ATXN7L1: variants seen among roughly 807,000 people sequenced by gnomAD.
The protein encoded by ATXN7L1 is ataxin-7-like protein 1.
Under a neutral mutation model 70.8 loss-of-function variants are expected in ATXN7L1, and 15 were observed. That is an observed-to-expected ratio of 0.21 (90% confidence interval 0.14 to 0.33). The LOEUF is 0.33. Ranked by LOEUF, ATXN7L1 falls within the 10% of genes least tolerant of loss-of-function variation. ATXN7L1 has a pLI of 1.00. For synonymous variants in ATXN7L1, 440 were observed against 445.1 expected (o/e 0.99, Z 0.14); for missense variants, 975 against 1,097.1 (o/e 0.89, Z 1.57).
At chr7:105,631,617 C>T (rs984580982) in intron 7 of ATXN7L1, among the ~76,000 whole-genome samples, 2 of 152,176 alleles carry the variant, frequency 1.3e-5, no homozygotes, top group Admixed American at 1.3e-4. Context: ...CAGGTGTGTG[C>T]CACCACACCC....
intron 3 of ATXN7L1, chr7:105,760,300 T>A: frequency 1.1e-6 from 1 of 939,382 alleles, no homozygotes; most frequent in Non-Finnish European, 1.3e-6. Flanking sequence ...ATATATTATT[T>A]AATTAAATTC....
At chr7:105,719,468 G>T (rs887129371) in intron 3 of ATXN7L1, among the ~76,000 whole-genome samples, 1 of 152,096 alleles carries the variant, frequency 6.6e-6, no homozygotes. Context: ...GGGTCTTTCT[G>T]GCTTCCTAAA....
chr7:105,609,933 G>A (rs1179047745), intron 11 of ATXN7L1, among the ~76,000 whole-genome samples: 5 of 152,162 alleles, frequency 3.3e-5, no homozygotes, highest in Admixed American at 6.5e-5. Context: ...CACCACGCCC[G>A]GTTACTTTTT....
intron 2 of ATXN7L1, among the ~76,000 whole-genome samples, chr7:105,872,422 T>A (rs182433810): frequency 1.4e-3 from 208 of 152,266 alleles, no homozygotes; most frequent in African/African-American, 4.8e-3. Flanking sequence ...ACAACCCAAA[T>A]GTCCACCAAC....
In ATXN7L1 at chr7:105,610,436, T is replaced by A. The variant is rs1322886360; in HGVS notation, c.2547+93A>T. 4.3e-6 allele frequency: 5 copies of A among 1,165,638 alleles called. No individual in the cohort carries two copies. In the East Asian group the frequency reaches 1.0e-4, roughly 24 times the overall value. 72.2% of individuals were successfully genotyped at this position (1,165,638 alleles called of 1,614,324 possible). On this transcript the variant is annotated intron_variant, in intron 11 of 11. Coordinates refer to ENST00000419735, the MANE Select transcript of ATXN7L1 (RefSeq NM_020725.2). ...GCCATGCTCTTAACTGGAGATGAGG[T>A]TTGAATCAGGGTCTGACCCCAGTGT...
At chr7:105,772,894 A>G (rs1469361806) in intron 3 of ATXN7L1, among the ~76,000 whole-genome samples, 1 of 152,246 alleles carries the variant, frequency 6.6e-6, no homozygotes, top group Non-Finnish European at 1.5e-5. Context: ...GATTATATAC[A>G]TTTTTCAATC....
chr7:105,850,641 C>T (rs1814739832), intron 2 of ATXN7L1, among the ~76,000 whole-genome samples: 1 of 152,210 alleles, frequency 6.6e-6, no homozygotes, highest in Non-Finnish European at 1.5e-5. Context: ...AGAACGAGCA[C>T]AGAGCGAGCA....
chr7:105,642,708 A>G, intron 5 of ATXN7L1, 130 bp downstream of exon 5: 2 of 1,170,922 alleles, frequency 1.7e-6, no homozygotes, highest in South Asian at 3.3e-5. Flanking sequence ...TCCTGTTTGC[A>G]GGTAAACTCT....
intron 3 of ATXN7L1, among the ~76,000 whole-genome samples, chr7:105,715,422 C>T (rs1466394640): frequency 6.6e-6 from 1 of 152,222 alleles, no homozygotes; most frequent in East Asian, 1.9e-4. Context: ...CTCAGAGCTT[C>T]CCTGTTTTCT....
At chr7:105,824,921 CA>C (rs202077099) in intron 2 of ATXN7L1, among the ~76,000 whole-genome samples, 38 of 95,564 alleles carry the variant, frequency 4.0e-4, no homozygotes, top group Admixed American at 4.3e-4. Context: ...GATTCCGTCT[CA>C]AAAAAAAAAA....
chr7:105,643,554 C>G (rs547043416), intron 4 of ATXN7L1, among the ~76,000 whole-genome samples: 1 of 152,238 alleles, frequency 6.6e-6, no homozygotes, highest in African/African-American at 2.4e-5. Context: ...GCTAGTCCCC[C>G]AGCCCGGCCC....
At chr7:105,675,152 A>G (rs1804433850) in intron 3 of ATXN7L1, among the ~76,000 whole-genome samples, 2 of 103,196 alleles carry the variant, frequency 1.9e-5, no homozygotes, top group South Asian at 3.7e-4. Context: ...ACTGTTTACT[A>G]CAGTTAAAAA....
At chr7:105,824,669 AAG>A (rs2116572920) in intron 2 of ATXN7L1, among the ~76,000 whole-genome samples, 1 of 152,278 alleles carries the variant, frequency 6.6e-6, no homozygotes. Flanking sequence ...GAATTCTAGA[AAG>A]AGAGAACCAA....
intron 2 of ATXN7L1, among the ~76,000 whole-genome samples, chr7:105,804,043 C>A (rs1320622732): frequency 6.6e-6 from 1 of 152,174 alleles, no homozygotes; most frequent in African/African-American, 2.4e-5. Flanking sequence ...CCAGCCTTGG[C>A]CAGAGGGAGA....
At chr7:105,812,281 T>C (rs17152164) in intron 2 of ATXN7L1, among the ~76,000 whole-genome samples, 2,765 of 152,326 alleles carry the variant, frequency 0.018, 41 homozygotes, top group East Asian at 0.065. Context: ...AGCTACCGTA[T>C]TAACACTAAG....
At chr7:105,868,615 A>G (rs569631215) in intron 2 of ATXN7L1, among the ~76,000 whole-genome samples, 3 of 152,274 alleles carry the variant, frequency 2.0e-5, no homozygotes, top group East Asian at 3.9e-4. Context: ...AGACAAAATT[A>G]TATATGTATC....
intron 3 of ATXN7L1, among the ~76,000 whole-genome samples, chr7:105,776,880 G>A (rs761943990): frequency 1.3e-5 from 2 of 151,976 alleles, no homozygotes; most frequent in African/African-American, 2.4e-5. Flanking sequence ...AGCGATTCTC[G>A]TGCCTCAGCC....
intron 3 of ATXN7L1, among the ~76,000 whole-genome samples, chr7:105,695,826 A>G (rs142445294): frequency 2.8e-3 from 430 of 152,226 alleles, no homozygotes; most frequent in African/African-American, 9.9e-3. Context: ...ATCTGGCCTG[A>G]TACTACTTTT....
chr7:105,679,251 T>TACAAC, intron 3 of ATXN7L1: 3 of 699,572 alleles, frequency 4.3e-6, no homozygotes, highest in African/African-American at 1.9e-5. Context: ...CAGGGTTGTA[T>TACAAC]CCTGAATTTG....
Sources: allele counts gnomAD v4.1 joint callset (sites outside exome capture counted in the v4.1 genomes callset), GRCh38; gene constraint gnomAD v4.1.1; transcripts MANE v1.5; gene names NCBI Gene and HGNC (gene_info 2026-07-23, HGNC 2026-07-21).